Variants in PTGR1 observed in about 807,000 individuals in gnomAD.
PTGR1 encodes 15-oxoprostaglandin 13-reductase.
Under a neutral mutation model 37.7 loss-of-function variants are expected in PTGR1, and 23 were observed. The ratio of observed to expected loss-of-function variants is 0.61; its 90% confidence interval spans 0.44 to 0.86. The LOEUF (loss-of-function observed/expected upper bound fraction) is 0.86, where lower values mean the gene tolerates loss of function less well. PTGR1 is among the 40% of genes least tolerant of loss of function. The pLI is 0.00. For synonymous variants in PTGR1, 134 were observed against 140.0 expected (o/e 0.96, Z 0.30); for missense variants, 351 against 394.3 (o/e 0.89, Z 0.93).
At chr9:111,573,094 G>T (rs1480769699) in intron 8 of PTGR1, among the ~76,000 whole-genome samples, 3 of 152,154 alleles carry the variant, frequency 2.0e-5, no homozygotes. Flanking sequence ...ACATCTCAAA[G>T]TCCTGTCTGA....
intron 1 of PTGR1, among the ~76,000 whole-genome samples, chr9:111,598,447 G>A (rs973635392): frequency 1.3e-5 from 2 of 152,166 alleles, no homozygotes; most frequent in Admixed American, 1.3e-4. Context: ...GGGAGCCAGG[G>A]GGGCGGTCTG....
intron 8 of PTGR1, among the ~76,000 whole-genome samples, chr9:111,573,030 T>C (rs73535459): frequency 0.051 from 7,818 of 152,238 alleles, 230 homozygotes; most frequent in Non-Finnish European, 0.069. Flanking sequence ...TTTCTGGGGC[T>C]CTGTGGCAGG....
chr9:111,578,039 A>G (rs1829136844), intron 7 of PTGR1, among the ~76,000 whole-genome samples: 1 of 152,128 alleles, frequency 6.6e-6, no homozygotes, highest in African/African-American at 2.4e-5. Flanking sequence ...TGGTTGTACA[A>G]TTTTGCCAAT....
chr9:111,573,277 T>C (rs1055362402), intron 8 of PTGR1, among the ~76,000 whole-genome samples: 1 of 151,316 alleles, frequency 6.6e-6, no homozygotes, highest in Non-Finnish European at 1.5e-5. Flanking sequence ...TAGAAAATTA[T>C]AGGGGGAAAA....
chr9:111,561,256 T>C (rs1204266827), downstream of PTGR1, among the ~76,000 whole-genome samples: 1 of 150,998 alleles, frequency 6.6e-6, no homozygotes, highest in Non-Finnish European at 1.5e-5. Context: ...TCATCAGTAA[T>C]GTTGCTTTTG....
chr9:111,597,976 C>T (rs1443355593), intron 1 of PTGR1, among the ~76,000 whole-genome samples: 1 of 151,366 alleles, frequency 6.6e-6, no homozygotes, highest in African/African-American at 2.4e-5. Context: ...GCCGCTGCTC[C>T]GCCCCATTTT....
intron 9 of PTGR1, among the ~76,000 whole-genome samples, chr9:111,553,981 G>T (rs1392054723): frequency 6.6e-6 from 1 of 152,210 alleles, no homozygotes; most frequent in Non-Finnish European, 1.5e-5. Context: ...CCAGAGGCAG[G>T]GAAAGGAAGA....
At chr9:111,586,637 T>A (rs1000295377) in intron 4 of PTGR1, among the ~76,000 whole-genome samples, 1 of 152,030 alleles carries the variant, frequency 6.6e-6, no homozygotes, top group Non-Finnish European at 1.5e-5. Flanking sequence ...GTCTTCCTTT[T>A]TCAGCCAAAC....
chr9:111,585,538 G>A (rs919366640), intron 5 of PTGR1, among the ~76,000 whole-genome samples: 4 of 152,112 alleles, frequency 2.6e-5, no homozygotes, highest in Admixed American at 1.3e-4. Context: ...TATTCATGCC[G>A]GGCATGGTGG....
At chr9:111,550,713 C>CTT in intron 9 of PTGR1, among the ~76,000 whole-genome samples, 1 of 152,308 alleles carries the variant, frequency 6.6e-6, no homozygotes, top group South Asian at 2.1e-4. Flanking sequence ...ACTTTATCTT[C>CTT]CAGCTCTACT....
rs772351623 is a variant in PTGR1 at position 111,586,017 on chromosome 9, C to T, written c.358G>A (p.Gly120Arg). 1.7e-5 allele frequency: 28 copies of T among 1,614,006 alleles called. No homozygotes were observed. The highest frequency in any genetic ancestry group is 2.4e-5 in the Non-Finnish European group (28 of 1,180,012). The change falls in exon 5 of 10, where the codon GGG (glycine) becomes AGG (arginine). Residue 120 changes from glycine to arginine, a missense_variant. By Grantham distance (125) the Gly-to-Arg change is moderately radical. Coordinates refer to ENST00000407693, the MANE Select transcript of PTGR1 (RefSeq NM_001146108.2). ...PDTIPLSLAL[G>R]TVGMPGLTAY... ...ACTCACCCTGGCATGCCAACTGTCC[C>T]CAGAGCCAAAGACAGTGGTATTGTG...
intron 9 of PTGR1, among the ~76,000 whole-genome samples, chr9:111,555,870 G>A (rs557425213): frequency 9.2e-5 from 14 of 152,192 alleles, no homozygotes; most frequent in South Asian, 2.1e-4. Context: ...CTGGTCCCTC[G>A]CAAATCTCAT....
At chr9:111,599,048 A>G (rs1251294082) in intron 1 of PTGR1, among the ~76,000 whole-genome samples, 1 of 152,018 alleles carries the variant, frequency 6.6e-6, no homozygotes, top group African/African-American at 2.4e-5. Flanking sequence ...CCTTTCCCCA[A>G]AAAAGCAACC....
chr9:111,561,141 GA>G (rs1828297822), downstream of PTGR1, among the ~76,000 whole-genome samples: 2 of 41,980 alleles, frequency 4.8e-5, no homozygotes, highest in East Asian at 1.2e-3. Flanking sequence ...AGAGAGAGGA[GA>G]GAGAGGGAGA....
At chr9:111,586,973 C>A (rs1180279689) in intron 4 of PTGR1, among the ~76,000 whole-genome samples, 1 of 151,960 alleles carries the variant, frequency 6.6e-6, no homozygotes, top group African/African-American at 2.4e-5. Flanking sequence ...CACAACAACA[C>A]CAGACTAATT....
chr9:111,562,264 A>G (rs566179183), downstream of PTGR1, among the ~76,000 whole-genome samples: 2 of 149,820 alleles, frequency 1.3e-5, no homozygotes, highest in South Asian at 4.2e-4. Context: ...CTAAGGTCAC[A>G]GAAGCAGTAA....
chr9:111,588,359 C>T (rs570008163), intron 4 of PTGR1, among the ~76,000 whole-genome samples: 93 of 151,638 alleles, frequency 6.1e-4, no homozygotes, highest in African/African-American at 2.0e-3. Context: ...ACACCAAACC[C>T]GGGTAATTTT....
chr9:111,554,606 AACAG>A (rs1253026968), intron 9 of PTGR1, among the ~76,000 whole-genome samples: 6 of 152,340 alleles, frequency 3.9e-5, no homozygotes, highest in Non-Finnish European at 7.3e-5. Context: ...CTAAGTGACT[AACAG>A]ACAGGTAGTG....
chr9:111,570,151 G>A lies in PTGR1; in HGVS notation c.819C>T (p.Tyr273=). The change falls in exon 9 of 10, where the codon TAC becomes TAT. Residue 273 remains tyrosine (Y), a synonymous_variant. Transcript: ENST00000407693. ...TTTGGCGGGCATCTCCTTGCCAGCG[G>A]TAGACGACAAAAGCTTCCATGCGAA... ...QELRMEAFVV[Y]RWQGDARQKA... is the part of the protein sequence containing the mutation. 1 of 1,614,078 alleles carries A rather than the reference G, an allele frequency of 6.2e-7. No homozygotes were observed. Among genetic ancestry groups the A allele is most frequent in the Non-Finnish European group, 8.5e-7 (1 of 1,180,020 alleles).
Sources: allele counts gnomAD v4.1 joint callset (sites outside exome capture counted in the v4.1 genomes callset), GRCh38; gene constraint gnomAD v4.1.1; transcripts MANE v1.5; gene names NCBI Gene and HGNC (gene_info 2026-07-23, HGNC 2026-07-21).